LRP1B: variants seen among roughly 807,000 people sequenced by gnomAD.
The protein encoded by LRP1B is low-density lipoprotein receptor-related protein 1B.
In LRP1B, 217 loss-of-function variants were observed where a neutral mutation model predicts 556.6. That is an observed-to-expected ratio of 0.39 (90% confidence interval 0.35 to 0.44). LRP1B has a LOEUF of 0.44. Ranked by LOEUF, LRP1B falls within the 20% of genes least tolerant of loss-of-function variation. LRP1B has a pLI of 1.00. For missense variants in LRP1B, 5,053 were observed against 5,620.8 expected (o/e 0.90, Z 3.23); for synonymous variants, 2,047 against 1,865.8 (o/e 1.10, Z -2.50).
At chr2:140,251,185 C>T (rs1003061258) in intron 86 of LRP1B, among the ~76,000 whole-genome samples, 11 of 151,686 alleles carry the variant, frequency 7.3e-5, no homozygotes, top group African/African-American at 1.7e-4. Flanking sequence ...GCACAGTAAG[C>T]GCTTTTAGAA....
At chr2:140,439,434 T>C (rs1460090681) in intron 66 of LRP1B, among the ~76,000 whole-genome samples, 1 of 152,168 alleles carries the variant, frequency 6.6e-6, no homozygotes, top group East Asian at 1.9e-4. Context: ...ATATGAACTA[T>C]TAACAACTCA....
intron 1 of LRP1B, among the ~76,000 whole-genome samples, chr2:141,900,092 A>G (rs909613673): frequency 6.6e-6 from 1 of 152,068 alleles, no homozygotes; most frequent in Non-Finnish European, 1.5e-5. Flanking sequence ...TTTGTGACAC[A>G]TTTGTGATTG....
chr2:141,951,313 T>G (rs1701099616), intron 1 of LRP1B, among the ~76,000 whole-genome samples: 2 of 152,144 alleles, frequency 1.3e-5, no homozygotes, highest in African/African-American at 4.8e-5. Context: ...CTGTACCGAA[T>G]AGTCTCTTAT....
intron 43 of LRP1B, among the ~76,000 whole-genome samples, chr2:140,543,538 T>G (rs1194890616): frequency 1.3e-5 from 2 of 151,888 alleles, no homozygotes; most frequent in Non-Finnish European, 2.9e-5. Flanking sequence ...GAAAAACCAT[T>G]TGATAAGATA....
At chr2:140,744,504 C>T (rs568575471) in intron 35 of LRP1B, among the ~76,000 whole-genome samples, 1 of 152,244 alleles carries the variant, frequency 6.6e-6, no homozygotes, top group African/African-American at 2.4e-5. Flanking sequence ...TCCACACAAA[C>T]GTGAGGAAAT....
At chr2:140,788,403 A>G (rs1689985684) in intron 32 of LRP1B, among the ~76,000 whole-genome samples, 1 of 152,146 alleles carries the variant, frequency 6.6e-6, no homozygotes, top group Admixed American at 6.5e-5. Context: ...GTGTCTAGGG[A>G]CATACATTTT....
intron 11 of LRP1B, among the ~76,000 whole-genome samples, chr2:141,032,440 C>T (rs577080644): frequency 6.6e-6 from 1 of 152,040 alleles, no homozygotes; most frequent in Non-Finnish European, 1.5e-5. Flanking sequence ...ACCAATATAA[C>T]AACTTACATT....
At chr2:141,501,349 T>G (rs955948471) in intron 2 of LRP1B, among the ~76,000 whole-genome samples, 1 of 152,130 alleles carries the variant, frequency 6.6e-6, no homozygotes. Flanking sequence ...AATATGAGAT[T>G]CTGGAGAATT....
chr2:140,638,785 A>C (rs942727813), intron 41 of LRP1B, among the ~76,000 whole-genome samples: 9 of 151,822 alleles, frequency 5.9e-5, no homozygotes, highest in African/African-American at 2.2e-4. Context: ...ATATATGAAA[A>C]AATATATATG....
intron 3 of LRP1B, among the ~76,000 whole-genome samples, chr2:141,349,002 C>T (rs1247028754): frequency 6.6e-6 from 1 of 151,974 alleles, no homozygotes; most frequent in African/African-American, 2.4e-5. Flanking sequence ...GTGAGGCTTC[C>T]CCAGCCACAT....
At chr2:140,930,737 A>T (rs1695023496) in intron 20 of LRP1B, among the ~76,000 whole-genome samples, 1 of 152,096 alleles carries the variant, frequency 6.6e-6, no homozygotes, top group Admixed American at 6.6e-5. Context: ...TGTATATTGG[A>T]TGTGCACAGA....
chr2:141,289,600 C>T (rs1685864356), intron 3 of LRP1B, among the ~76,000 whole-genome samples: 1 of 151,944 alleles, frequency 6.6e-6, no homozygotes. Flanking sequence ...TATATGATCA[C>T]AGGAGCAAAG....
Position 140,371,156 on chromosome 2 carries a change from TTTAA to T in LRP1B, c.10875+19_10875+22del, listed in dbSNP as rs1205144487. 1.4e-6 allele frequency: 2 copies of T among 1,405,092 alleles called. No homozygotes were observed. The highest frequency in any genetic ancestry group is 1.9e-6 in the Non-Finnish European group (2 of 1,026,120). The allele number at this position is 1,405,092 out of a possible 1,614,324, so 87.0% of individuals were successfully genotyped here. On this transcript the variant is annotated intron_variant, in intron 70 of 90. Coordinates refer to ENST00000389484, the MANE Select transcript of LRP1B (RefSeq NM_018557.3). Reference sequence around the variant, plus strand: ...AACCTAATTCATGTAATTCAAATATTTTAATTAAACAATATATTTTACCTCATCT... The same window carrying T: ...AACCTAATTCATGTAATTCAAATATTTTAAACAATATATTTTACCTCATCT...
At position 141,352,543 on chromosome 2, in the gene LRP1B, T is replaced by C. The variant is rs551406023; in HGVS notation, c.344-97902A>G. On this transcript the variant is annotated intron_variant, in intron 3 of 90. Coordinates refer to ENST00000389484, the MANE Select transcript of LRP1B (RefSeq NM_018557.3). ...CAGAAAAGATGCTGGTCTATCTAAC[T>C]GATGGCTTTTATTTCCTTATCTTTA... 3.9e-5 allele frequency among the ~76,000 whole-genome samples: 6 copies of C among 152,110 alleles called. No individual in the cohort carries two copies. The South Asian group carries it at 1.2e-3, about 31-fold the overall frequency.
intron 2 of LRP1B, among the ~76,000 whole-genome samples, chr2:141,519,376 TATATATATATATATATATATATATATGA>T (rs1237913567): frequency 6.6e-5 from 3 of 45,636 alleles, no homozygotes; most frequent in African/African-American, 2.9e-4. Context: ...TATATATATA[TATATATATATATATATATATATATATGA>T]AATGCAATAT....
chr2:140,657,302 A>G (rs1684912974), intron 41 of LRP1B, among the ~76,000 whole-genome samples: 1 of 152,034 alleles, frequency 6.6e-6, no homozygotes, highest in Non-Finnish European at 1.5e-5. Flanking sequence ...GCTTTTCCAT[A>G]GACTGAAAAT....
At chr2:140,379,638 T>G (rs1162189652) in intron 67 of LRP1B, among the ~76,000 whole-genome samples, 1 of 152,090 alleles carries the variant, frequency 6.6e-6, no homozygotes, top group African/African-American at 2.4e-5. Flanking sequence ...GAGGCTGCAG[T>G]GAGCTGAGAT....
intron 2 of LRP1B, among the ~76,000 whole-genome samples, chr2:141,690,095 A>G (rs2105443889): frequency 6.6e-6 from 1 of 151,678 alleles, no homozygotes; most frequent in South Asian, 2.1e-4. Flanking sequence ...TATAAGTTTG[A>G]TTTATGCTTT....
chr2:141,617,692 C>A (rs539870527), intron 2 of LRP1B, among the ~76,000 whole-genome samples: 81 of 152,218 alleles, frequency 5.3e-4, no homozygotes, highest in African/African-American at 1.8e-3. Context: ...GACAGATTCA[C>A]AAGATAGGGC....
Sources: allele counts gnomAD v4.1 joint callset (sites outside exome capture counted in the v4.1 genomes callset), GRCh38; gene constraint gnomAD v4.1.1; transcripts MANE v1.5; gene names NCBI Gene and HGNC (gene_info 2026-07-23, HGNC 2026-07-21).